The following ADGRL3 variants were observed in gnomAD, a reference collection of about 807,000 sequenced individuals.
ADGRL3 encodes adhesion G protein-coupled receptor L3, also known as calcium-independent alpha-latrotoxin receptor 3.
A neutral mutation model predicts 153.5 loss-of-function variants in ADGRL3; 62 were observed. The observed-to-expected ratio is 0.40, with a 90% CI of 0.33 to 0.50. The LOEUF is 0.50. ADGRL3 is among the 20% of genes least tolerant of loss of function. The probability of loss-of-function intolerance (pLI) is 0.47; values close to 1 mark genes in which losing one functional copy is unlikely to be tolerated. For synonymous variants in ADGRL3, 710 were observed against 672.5 expected, an observed-to-expected ratio of 1.06 and a Z score of -0.86; for missense variants, 1,641 against 1,859.4, an observed-to-expected ratio of 0.88 and a Z score of 2.16.
intron 4 of ADGRL3, among the ~76,000 whole-genome samples, chr4:61,543,964 G>A (rs1308303085): frequency 6.6e-6 from 1 of 152,008 alleles, no homozygotes; most frequent in African/African-American, 2.4e-5. Flanking sequence ...GCTCATATTA[G>A]TCCACTCTGT....
At chr4:61,654,322 CTCTA>C (rs1473037758) in intron 5 of ADGRL3, among the ~76,000 whole-genome samples, 1 of 151,818 alleles carries the variant, frequency 6.6e-6, no homozygotes, top group African/African-American at 2.4e-5. Flanking sequence ...TTTTACAAAA[CTCTA>C]TATCAAATTT....
chr4:61,537,381 T>C (rs1316966289), intron 4 of ADGRL3, among the ~76,000 whole-genome samples: 1 of 152,150 alleles, frequency 6.6e-6, no homozygotes, highest in Non-Finnish European at 1.5e-5. Flanking sequence ...TTGTGTTGTA[T>C]CTTGCAAGTG....
chr4:61,737,946 A>G (rs1353860251), intron 8 of ADGRL3, among the ~76,000 whole-genome samples: 5 of 150,838 alleles, frequency 3.3e-5, no homozygotes, highest in African/African-American at 9.8e-5. Flanking sequence ...AATTACTTCC[A>G]TAAGTTTTTG....
chr4:61,209,826 C>A (rs2148829065), intron 1 of ADGRL3, among the ~76,000 whole-genome samples: 1 of 152,274 alleles, frequency 6.6e-6, no homozygotes, highest in Non-Finnish European at 1.5e-5. Context: ...ATTATCTTTT[C>A]ACATGTCAAT....
chr4:61,733,659 G>A (rs2096470687), intron 8 of ADGRL3, 105 bp downstream of exon 8: 3 of 828,654 alleles, frequency 3.6e-6, no homozygotes, highest in Non-Finnish European at 5.6e-6. Flanking sequence ...ATTCTGGCCT[G>A]TGTACCTGAA....
At chr4:61,963,410 C>G (rs2098995469) in intron 17 of ADGRL3, among the ~76,000 whole-genome samples, 1 of 151,926 alleles carries the variant, frequency 6.6e-6, no homozygotes, top group South Asian at 2.1e-4. Flanking sequence ...TCCTCACCCC[C>G]TCCCACCCTC....
Position 61,950,452 on chromosome 4 carries a change from G to A in ADGRL3, c.2805+2176G>A, listed in dbSNP as rs886383176. Among the ~76,000 whole-genome samples the A allele has an allele frequency of 6.6e-5, 10 of 152,078 alleles. No homozygotes were observed. The South Asian group carries it at 1.0e-3, about 16-fold the overall frequency. On this transcript the variant is annotated intron_variant, in intron 17 of 26. Coordinates refer to ENST00000683033, the MANE Select transcript of ADGRL3 (RefSeq NM_001387552.1). Reference sequence around the variant, plus strand: ...TTCAATCAGAGAAAACAGCAGGAGCGAAAACATAAAGATATTATATATCAT... The same window carrying A: ...TTCAATCAGAGAAAACAGCAGGAGCAAAAACATAAAGATATTATATATCAT...
At chr4:61,810,181 A>G (rs748361829) in intron 8 of ADGRL3, among the ~76,000 whole-genome samples, 6 of 152,152 alleles carry the variant, frequency 3.9e-5, no homozygotes, top group Non-Finnish European at 8.8e-5. Flanking sequence ...CTCAACACAC[A>G]TGAAGGATTA....
intron 8 of ADGRL3, among the ~76,000 whole-genome samples, chr4:61,755,276 A>G (rs1338684240): frequency 1.3e-5 from 2 of 151,804 alleles, no homozygotes; most frequent in Non-Finnish European, 2.9e-5. Context: ...CCTCTCCAGC[A>G]CCTGTTGTTT....
intron 1 of ADGRL3, among the ~76,000 whole-genome samples, chr4:61,343,103 C>T (rs1578350727): frequency 6.6e-6 from 1 of 152,122 alleles, no homozygotes; most frequent in Non-Finnish European, 1.5e-5. Context: ...GAAACTGCCT[C>T]CATGATTCAG....
intron 1 of ADGRL3, among the ~76,000 whole-genome samples, chr4:61,379,451 G>A (rs2096641914): frequency 6.6e-6 from 1 of 151,894 alleles, no homozygotes; most frequent in Non-Finnish European, 1.5e-5. Flanking sequence ...ATTAACTCTT[G>A]TAGACAAAAA....
At chr4:61,698,144 T>C (rs1199152493) in intron 6 of ADGRL3, among the ~76,000 whole-genome samples, 1 of 152,004 alleles carries the variant, frequency 6.6e-6, no homozygotes, top group Non-Finnish European at 1.5e-5. Flanking sequence ...TGAACATCAC[T>C]GATGCGTTTG....
chr4:61,751,443 C>T (rs1203299461), intron 8 of ADGRL3, among the ~76,000 whole-genome samples: 2 of 152,136 alleles, frequency 1.3e-5, no homozygotes, highest in African/African-American at 4.8e-5. Flanking sequence ...GATATAAAGT[C>T]TCCTGCCCAG....
intron 8 of ADGRL3, among the ~76,000 whole-genome samples, chr4:61,797,547 A>G (rs2097429643): frequency 6.6e-6 from 1 of 152,200 alleles, no homozygotes; most frequent in Admixed American, 6.5e-5. Context: ...AAAATAGTTC[A>G]CAGAAAGTTT....
chr4:61,291,998 C>T (rs1216807089), intron 1 of ADGRL3, among the ~76,000 whole-genome samples: 1 of 150,406 alleles, frequency 6.6e-6, no homozygotes, highest in Non-Finnish European at 1.5e-5. Context: ...AAAGTCATGG[C>T]ATTTTTAATC....
chr4:61,512,287 A>G (rs917862730), intron 3 of ADGRL3, among the ~76,000 whole-genome samples: 7 of 152,150 alleles, frequency 4.6e-5, no homozygotes, highest in Admixed American at 6.5e-5. Context: ...TAACAATCCA[A>G]TGAGTCATAG....
At chr4:61,266,915 A>G (rs374488418) in intron 1 of ADGRL3, among the ~76,000 whole-genome samples, 2 of 151,722 alleles carry the variant, frequency 1.3e-5, no homozygotes, top group South Asian at 2.1e-4. Context: ...TAATGGAAAT[A>G]TGCTGGACTA....
chr4:61,695,291 G>A (rs538645599), intron 6 of ADGRL3, among the ~76,000 whole-genome samples: 84 of 152,194 alleles, frequency 5.5e-4, no homozygotes, highest in Non-Finnish European at 7.8e-4. Context: ...TTGAAATTAC[G>A]CTTTGGTCCA....
intron 5 of ADGRL3, among the ~76,000 whole-genome samples, chr4:61,637,962 A>G (rs1359098308): frequency 6.6e-6 from 1 of 152,202 alleles, no homozygotes; most frequent in Non-Finnish European, 1.5e-5. Flanking sequence ...ATTAAAAGAC[A>G]GACTGGATAA....
Sources: allele counts gnomAD v4.1 joint callset (sites outside exome capture counted in the v4.1 genomes callset), GRCh38; gene constraint gnomAD v4.1.1; transcripts MANE v1.5; gene names NCBI Gene and HGNC (gene_info 2026-07-23, HGNC 2026-07-21).